The following MYO5B variants were observed in gnomAD, a reference collection of about 807,000 sequenced individuals.
MYO5B encodes the protein unconventional myosin-Vb.
MYO5B carries 143 observed loss-of-function variants against 229.3 expected under a neutral mutation model. That is an observed-to-expected ratio of 0.62 (90% CI 0.54 to 0.72). The LOEUF (loss-of-function observed/expected upper bound fraction) is 0.72. Ranked by LOEUF, MYO5B falls within the 30% of genes least tolerant of loss-of-function variation. The pLI is 0.00. For synonymous variants in MYO5B, 918 were observed against 885.2 expected, an observed-to-expected ratio of 1.04 and a Z score of -0.66; for missense variants, 2,321 against 2,331.0, an observed-to-expected ratio of 1.00 and a Z score of 0.09.
At chr18:50,050,098 A>T (rs1326894504) in intron 2 of MYO5B, among the ~76,000 whole-genome samples, 1 of 152,228 alleles carries the variant, frequency 6.6e-6, no homozygotes, top group African/African-American at 2.4e-5. Flanking sequence ...GTGTGTGTAC[A>T]ATATAACCAT....
At chr18:50,179,984 A>C (rs2033049728) in intron 1 of MYO5B, among the ~76,000 whole-genome samples, 1 of 152,150 alleles carries the variant, frequency 6.6e-6, no homozygotes, top group Admixed American at 6.5e-5. Flanking sequence ...CCATAACCAT[A>C]AGCTATGGAA....
At chr18:50,018,245 C>T (rs1390243507) in intron 4 of MYO5B, among the ~76,000 whole-genome samples, 5 of 151,442 alleles carry the variant, frequency 3.3e-5, no homozygotes, top group Non-Finnish European at 7.4e-5. Context: ...TGCCACCATG[C>T]CCAGCTAGTC....
intron 27 of MYO5B, among the ~76,000 whole-genome samples, chr18:49,867,019 A>T (rs2024403554): frequency 6.6e-6 from 1 of 152,212 alleles, no homozygotes; most frequent in African/African-American, 2.4e-5. Context: ...AAATGCTGTC[A>T]TGCAGAAGAC....
rs150861346 is a variant in MYO5B at position 49,825,713 on chromosome 18, C to G, written c.*758G>C. 9 of 152,630 alleles carry G rather than the reference C, an allele frequency of 5.9e-5. No individual in the cohort carries two copies. Among genetic ancestry groups the G allele is most frequent in the African/African-American group, 2.2e-4 (9 of 41,554 alleles). The allele number at this position is 152,630 out of a possible 1,614,324, so 9.5% of individuals were successfully genotyped here. ...ACTTGGAAAGTGTATGGACTAGCATCAGAAACAAAATATTTTTCCATCTTT... is the reference window on the plus strand; with the variant it reads ...ACTTGGAAAGTGTATGGACTAGCATGAGAAACAAAATATTTTTCCATCTTT... On this transcript the variant is annotated 3_prime_UTR_variant, in exon 40 of 40. Coordinates refer to ENST00000285039, the MANE Select transcript of MYO5B (RefSeq NM_001080467.3).
At chr18:49,911,989 G>A in intron 18 of MYO5B, 73 bp downstream of exon 18, 1 of 1,121,958 alleles carries the variant, frequency 8.9e-7, no homozygotes, top group Non-Finnish European at 1.4e-6. Flanking sequence ...AAAAAATGTA[G>A]ATAACGACGC....
intron 22 of MYO5B, among the ~76,000 whole-genome samples, chr18:49,887,592 C>A (rs1224083667): frequency 6.6e-6 from 1 of 152,122 alleles, no homozygotes; most frequent in Non-Finnish European, 1.5e-5. Context: ...AGGCCCTCAT[C>A]AGGACAGATG....
intron 2 of MYO5B, among the ~76,000 whole-genome samples, chr18:50,052,955 C>T (rs1386634903): frequency 6.6e-6 from 1 of 152,066 alleles, no homozygotes; most frequent in Admixed American, 6.5e-5. Flanking sequence ...GCAGTGAAAC[C>T]CACACTATTG....
chr18:49,966,448 T>C (rs981072192), intron 10 of MYO5B, among the ~76,000 whole-genome samples: 4 of 152,218 alleles, frequency 2.6e-5, no homozygotes, highest in African/African-American at 9.6e-5. Context: ...GCCCAGATGA[T>C]AGTCTTAAAG....
At chr18:49,953,161 ATC>A (rs1485594205) in intron 14 of MYO5B, 97 bp downstream of exon 14, 1 of 1,135,524 alleles carries the variant, frequency 8.8e-7, no homozygotes, top group Non-Finnish European at 1.3e-6. Flanking sequence ...CCTGCCCAGC[ATC>A]TCTGTCTTTC....
Position 50,037,216 on chromosome 18 carries a change from AACAC to A in MYO5B, c.311-226_311-223del, listed in dbSNP as rs141553304. Among the ~76,000 whole-genome samples, 52 of 146,616 alleles carry A rather than the reference AACAC, an allele frequency of 3.5e-4. 1 individual carries two copies. Among genetic ancestry groups the A allele is most frequent in the Admixed American group, 8.9e-4 (13 of 14,614 alleles). ...AAGCATACACACATACACACACACAAACACACACACACACACACACTCACTCACA... is the reference window on the plus strand; with the variant it reads ...AAGCATACACACATACACACACACAAACACACACACACACACTCACTCACA... On this transcript the variant is annotated intron_variant, in intron 3 of 39. Coordinates refer to ENST00000285039, the MANE Select transcript of MYO5B (RefSeq NM_001080467.3).
At chr18:49,989,710 A>G (rs1437098492) in intron 7 of MYO5B, among the ~76,000 whole-genome samples, 2 of 152,232 alleles carry the variant, frequency 1.3e-5, no homozygotes, top group Admixed American at 6.5e-5. Flanking sequence ...ATAGCCTCAA[A>G]GCAAATGAAA....
At position 50,169,024 on chromosome 18, in the gene MYO5B, G is replaced by A. The variant is rs1170161211; in HGVS notation, c.27+25743C>T. Reference sequence around the variant, plus strand: ...GAGAAGGGCGAAAAAGCTATATAGGGGGCTTGGCATAGTGGCTCACTCCTG... The same window carrying A: ...GAGAAGGGCGAAAAAGCTATATAGGAGGCTTGGCATAGTGGCTCACTCCTG... On this transcript the variant is annotated intron_variant, in intron 1 of 39. Coordinates refer to ENST00000285039, the MANE Select transcript of MYO5B (RefSeq NM_001080467.3). Among the ~76,000 whole-genome samples the A allele has an allele frequency of 4.0e-5, 5 of 126,188 alleles. 2 individuals are homozygous for A. Among genetic ancestry groups the A allele is most frequent in the African/African-American group, 1.5e-4 (5 of 33,264 alleles). The allele number at this position is 126,188 out of a possible 152,430, so 82.8% of individuals were successfully genotyped here.
intron 2 of MYO5B, among the ~76,000 whole-genome samples, chr18:50,051,635 T>C (rs535525101): frequency 2.0e-4 from 31 of 152,182 alleles, no homozygotes; most frequent in African/African-American, 7.5e-4. Context: ...GTGCTAAGAG[T>C]TGGCACACCT....
chr18:49,854,440 T>C (rs1305944602), intron 30 of MYO5B, among the ~76,000 whole-genome samples: 2 of 152,250 alleles, frequency 1.3e-5, no homozygotes, highest in East Asian at 3.8e-4. Flanking sequence ...AAGAGATTAA[T>C]GAAGGCTCAC....
chr18:49,997,876 G>A (rs60511379), intron 5 of MYO5B, among the ~76,000 whole-genome samples: 1,965 of 152,212 alleles, frequency 0.013, 43 homozygotes, highest in African/African-American at 0.044. Context: ...GACCATAACC[G>A]ATTGCTTTGT....
chr18:50,089,597 A>AAACAAAT (rs1568102277), intron 1 of MYO5B, among the ~76,000 whole-genome samples: 1 of 151,368 alleles, frequency 6.6e-6, no homozygotes, highest in Non-Finnish European at 1.5e-5. Context: ...AAAAATCAAA[A>AAACAAAT]AATTAGCCAG....
At chr18:50,042,386 T>C (rs1415957617) in intron 2 of MYO5B, among the ~76,000 whole-genome samples, 1 of 152,240 alleles carries the variant, frequency 6.6e-6, no homozygotes, top group African/African-American at 2.4e-5. Flanking sequence ...TGGATGACCG[T>C]GCAAAATATC....
chr18:50,042,631 G>A (rs1297653242), intron 2 of MYO5B, among the ~76,000 whole-genome samples: 2 of 152,174 alleles, frequency 1.3e-5, no homozygotes, highest in East Asian at 3.9e-4. Flanking sequence ...CAATTCCAGA[G>A]TTGCAGGCTT....
At chr18:50,055,077 A>C (rs1178789434) in intron 2 of MYO5B, among the ~76,000 whole-genome samples, 191 bp downstream of exon 2, 1 of 152,164 alleles carries the variant, frequency 6.6e-6, no homozygotes, top group Non-Finnish European at 1.5e-5. Context: ...TTTGTGTGAC[A>C]TCCATAGAGC....
Sources: gnomAD v4.1 joint callset for allele counts (sites outside exome capture counted in the v4.1 genomes callset) on GRCh38, gnomAD v4.1.1 for gene constraint, MANE v1.5 for transcripts, NCBI Gene and HGNC (gene_info 2026-07-23, HGNC 2026-07-21) for gene names.